Variants in CALN1 observed in about 807,000 individuals in gnomAD.
The protein encoded by CALN1 is calcium-binding protein 8.
In CALN1, 17 loss-of-function variants were observed where a neutral mutation model predicts 30.6. That is an observed-to-expected ratio of 0.56 (90% CI 0.38 to 0.83). The LOEUF (loss-of-function observed/expected upper bound fraction) is 0.83. Among genes scored for constraint, CALN1 ranks in the 40% least tolerant of loss-of-function variants. The probability of loss-of-function intolerance (pLI) is 0.00; values close to 1 mark genes in which losing one functional copy is unlikely to be tolerated. For synonymous variants in CALN1, 156 were observed against 131.4 expected, an observed-to-expected ratio of 1.19 and a Z score of -1.28; for missense variants, 291 against 354.9, an observed-to-expected ratio of 0.82 and a Z score of 1.45.
At chr7:72,165,585 G>C (rs1788462920) in intron 3 of CALN1, among the ~76,000 whole-genome samples, 1 of 151,890 alleles carries the variant, frequency 6.6e-6, no homozygotes, top group African/African-American at 2.4e-5. Context: ...CAAAAACTCT[G>C]TCTCCAACAA....
intron 2 of CALN1, among the ~76,000 whole-genome samples, chr7:72,338,470 A>AGTGTGTGTGTGTGTGTGTGTGTGTGT (rs56695086): frequency 4.7e-4 from 35 of 74,800 alleles, no homozygotes; most frequent in Admixed American, 1.9e-3. Context: ...CCAGCAGCAC[A>AGTGTGTGTGTGTGTGTGTGTGTGTGT]GTGTGTGTGT....
At chr7:72,360,623 C>G (rs896261450) in intron 2 of CALN1, among the ~76,000 whole-genome samples, 1 of 148,428 alleles carries the variant, frequency 6.7e-6, no homozygotes, top group African/African-American at 2.5e-5. Context: ...TTTTATTATA[C>G]TTTAAGTTCT....
intron 5 of CALN1, among the ~76,000 whole-genome samples, chr7:71,819,431 C>T (rs1032314476): frequency 3.9e-5 from 6 of 151,910 alleles, no homozygotes; most frequent in East Asian, 3.9e-4. Flanking sequence ...CTCGAACTCC[C>T]GACCTCAAGT....
intron 5 of CALN1, among the ~76,000 whole-genome samples, chr7:71,848,110 T>C (rs1348658012): frequency 6.6e-6 from 1 of 152,208 alleles, no homozygotes; most frequent in Non-Finnish European, 1.5e-5. Context: ...AAATTCACCA[T>C]TGCAGAAGTG....
chr7:72,365,404 T>A (rs1162705562), intron 2 of CALN1, among the ~76,000 whole-genome samples: 1 of 152,058 alleles, frequency 6.6e-6, no homozygotes, highest in Non-Finnish European at 1.5e-5. Context: ...AAAACAACAA[T>A]AAACAACTAG....
rs1186495144 is a variant in CALN1, at chr7:71,786,941, A to G, written c.*834T>C. The G allele has an allele frequency of 6.6e-6, 1 of 152,666 alleles. No individual in the cohort carries two copies. The highest frequency in any genetic ancestry group is 1.5e-5 in the Non-Finnish European group (1 of 68,058). 9.5% of individuals were successfully genotyped at this position (152,666 alleles called of 1,614,324 possible). A position where few individuals can be genotyped will look rare whatever the true frequency, so the allele number is the denominator to read the frequency against. On this transcript the variant is annotated 3_prime_UTR_variant, in exon 7 of 7. Coordinates refer to ENST00000395275, the MANE Select transcript of CALN1 (RefSeq NM_031468.4). ...TAAGCGATTAGGGAAGAATGACATC[A>G]CACACGAAGAAGCCAAATATATATA...
At chr7:72,125,109 A>G (rs1412536077) in intron 3 of CALN1, among the ~76,000 whole-genome samples, 1 of 152,138 alleles carries the variant, frequency 6.6e-6, no homozygotes, top group Non-Finnish European at 1.5e-5. Context: ...GCTCACTGCA[A>G]CCTCTGCCTC....
chr7:72,361,061 G>T (rs1803539669), intron 2 of CALN1, among the ~76,000 whole-genome samples: 1 of 151,932 alleles, frequency 6.6e-6, no homozygotes, highest in South Asian at 2.1e-4. Flanking sequence ...CTGCCTTGTT[G>T]GCATTTGTTG....
chr7:72,268,503 AAAATT>A (rs1436111778), intron 3 of CALN1, among the ~76,000 whole-genome samples: 3 of 152,306 alleles, frequency 2.0e-5, no homozygotes, highest in African/African-American at 7.2e-5. Context: ...GAAACAAAAT[AAAATT>A]AAATTAATTG....
At chr7:72,066,840 G>A (rs1804057158) in intron 4 of CALN1, among the ~76,000 whole-genome samples, 1 of 151,236 alleles carries the variant, frequency 6.6e-6, no homozygotes, top group African/African-American at 2.4e-5. Flanking sequence ...AGAATACAGT[G>A]GCACGACCTT....
intron 2 of CALN1, among the ~76,000 whole-genome samples, chr7:72,388,325 T>C (rs1805366147): frequency 6.6e-6 from 1 of 152,098 alleles, no homozygotes; most frequent in African/African-American, 2.4e-5. Flanking sequence ...CCTCCTGTCC[T>C]GCCTGGACAT....
chr7:71,791,227 T>C (rs1366286970), intron 6 of CALN1, among the ~76,000 whole-genome samples: 2 of 152,210 alleles, frequency 1.3e-5, no homozygotes, highest in Non-Finnish European at 2.9e-5. Context: ...CCACATTTCC[T>C]TTATCCAATC....
Position 72,312,811 on chromosome 7 carries a change from G to GAA in CALN1, c.120-34003_120-34002dup, listed in dbSNP as rs1229191208. On this transcript the variant is annotated intron_variant, in intron 2 of 6. Transcript: ENST00000395275. ...ATGGATAATTTTAAAATAGAAGAGA[G>GAA]AATAAGGGAACATTTGCCCTATCAT... Among the ~76,000 whole-genome samples, 3 of 150,324 alleles carry GAA rather than the reference G, an allele frequency of 2.0e-5. No homozygotes were observed. The East Asian group carries it at 5.9e-4, about 30-fold the overall frequency.
chr7:72,355,057 C>T (rs1259830829), intron 2 of CALN1, among the ~76,000 whole-genome samples: 1 of 151,980 alleles, frequency 6.6e-6, no homozygotes, highest in Non-Finnish European at 1.5e-5. Context: ...TACAGGCTTG[C>T]GCCACCATGC....
At chr7:72,165,571 G>C (rs1281071967) in intron 3 of CALN1, among the ~76,000 whole-genome samples, 1 of 151,864 alleles carries the variant, frequency 6.6e-6, no homozygotes, top group Non-Finnish European at 1.5e-5. Context: ...CTGGCCAACA[G>C]GGCCAAAAAC....
upstream of CALN1, among the ~76,000 whole-genome samples, chr7:72,413,318 CACTA>C (rs1267202023): frequency 2.7e-5 from 4 of 149,972 alleles, no homozygotes; most frequent in Admixed American, 6.6e-5. Context: ...TACATACACA[CACTA>C]ACATACACTC....
At chr7:72,059,289 G>T (rs1482971204) in intron 4 of CALN1, among the ~76,000 whole-genome samples, 1 of 152,108 alleles carries the variant, frequency 6.6e-6, no homozygotes. Flanking sequence ...GTCTTCATTA[G>T]CAATGGTATG....
intron 5 of CALN1, among the ~76,000 whole-genome samples, chr7:72,000,840 T>A (rs539504846): frequency 1.3e-5 from 2 of 152,212 alleles, no homozygotes; most frequent in Non-Finnish European, 2.9e-5. Context: ...TCATACACCA[T>A]GACTGTTACA....
At chr7:71,916,491 A>T (rs1028558371) in intron 5 of CALN1, among the ~76,000 whole-genome samples, 12 of 152,110 alleles carry the variant, frequency 7.9e-5, no homozygotes, top group Non-Finnish European at 1.2e-4. Flanking sequence ...ATGCAACCAT[A>T]AAAAGGAATG....
Sources: allele counts gnomAD v4.1 joint callset (sites outside exome capture counted in the v4.1 genomes callset), GRCh38; gene constraint gnomAD v4.1.1; transcripts MANE v1.5; gene names NCBI Gene and HGNC (gene_info 2026-07-23, HGNC 2026-07-21).